The following DMD variants were observed in gnomAD, a reference collection of about 807,000 sequenced individuals.
The protein encoded by DMD is dystrophin, also known as mutant dystrophin.
A neutral mutation model predicts 330.1 loss-of-function variants in DMD; 63 were observed. That is an observed-to-expected ratio of 0.19 (90% CI 0.16 to 0.24). DMD has a LOEUF of 0.24. Among genes scored for constraint, DMD ranks in the 10% least tolerant of loss-of-function variants. The pLI is 1.00. For missense variants in DMD, 3,344 were observed against 2,684.1 expected, an observed-to-expected ratio of 1.25 and a Z score of -5.43; for synonymous variants, 1,223 against 959.8, an observed-to-expected ratio of 1.27 and a Z score of -5.07.
intron 62 of DMD, among the ~76,000 whole-genome samples, chrX:31,286,406 T>C (rs2053214220): frequency 8.9e-6 from 1 of 112,729 alleles, no homozygotes; most frequent in African/African-American, 3.2e-5. Flanking sequence ...TTGGGAAGTT[T>C]ATCAGATAAT....
intron 52 of DMD, 64 bp from the exon 53 acceptor site, chrX:31,679,650 G>A (rs1347081639): frequency 1.4e-5 from 13 of 951,716 alleles, no homozygotes; most frequent in Non-Finnish European, 1.9e-5. Flanking sequence ...CATTTTAAAT[G>A]TAACTTCCAA....
At chrX:32,177,579 C>A (rs1349825940) in intron 44 of DMD, among the ~76,000 whole-genome samples, 1 of 110,883 alleles carries the variant, frequency 9.0e-6, no homozygotes, top group Non-Finnish European at 1.9e-5. Context: ...GATACTAATT[C>A]AAATTTCTAA....
At chrX:31,411,750 C>T (rs1229439618) in intron 60 of DMD, among the ~76,000 whole-genome samples, 1 of 110,583 alleles carries the variant, frequency 9.0e-6, no homozygotes, top group Admixed American at 9.6e-5. Flanking sequence ...TCTCCTGCCT[C>T]AGCCTCCCGA....
intron 1 of DMD, among the ~76,000 whole-genome samples, chrX:33,324,820 A>G (rs1379206215): frequency 8.9e-6 from 1 of 112,042 alleles, no homozygotes; most frequent in African/African-American, 3.2e-5. Flanking sequence ...AAAGGCAAAA[A>G]AGCAATCATG....
chrX:32,150,599 C>A (rs1201295847), intron 44 of DMD, among the ~76,000 whole-genome samples: 3 of 111,357 alleles, frequency 2.7e-5, no homozygotes, highest in Non-Finnish European at 5.6e-5. Context: ...TAGGTAAGAA[C>A]CTCAGGATGC....
At chrX:33,009,166 ATATATGTGTATATATACGTATATATG>A (rs1482044749) in intron 2 of DMD, among the ~76,000 whole-genome samples, 1 of 34,781 alleles carries the variant, frequency 2.9e-5, no homozygotes, top group African/African-American at 1.2e-4. Flanking sequence ...ATATATGTAT[ATATATGTGTATATATACGTATATATG>A]TATATATGTG....
chrX:32,946,299 C>CA (rs2090802466), intron 2 of DMD, among the ~76,000 whole-genome samples: 1 of 109,346 alleles, frequency 9.1e-6, no homozygotes, highest in African/African-American at 3.3e-5. Context: ...AAATGGCCTA[C>CA]TTTTTTTTTG....
chrX:32,821,512 C>T (rs1047854741), intron 5 of DMD, among the ~76,000 whole-genome samples: 3 of 109,308 alleles, frequency 2.7e-5, no homozygotes, highest in African/African-American at 3.3e-5. Flanking sequence ...GGCGTGAATC[C>T]GGGAGGCGGA....
chrX:31,838,932 CAT>C (rs1394519557), intron 48 of DMD, among the ~76,000 whole-genome samples: 2 of 111,788 alleles, frequency 1.8e-5, no homozygotes, highest in Non-Finnish European at 3.8e-5. Flanking sequence ...AACTTAATAA[CAT>C]ATCCAAATGA....
At chrX:31,385,966 G>T (rs974793465) in intron 60 of DMD, among the ~76,000 whole-genome samples, 3 of 112,097 alleles carry the variant, frequency 2.7e-5, no homozygotes, top group African/African-American at 9.7e-5. Context: ...GCAAAGATTT[G>T]GAACCAACCC....
intron 1 of DMD, among the ~76,000 whole-genome samples, chrX:33,335,360 C>A (rs772787446): frequency 3.6e-5 from 4 of 110,019 alleles, no homozygotes; most frequent in Non-Finnish European, 3.8e-5. Flanking sequence ...ACATGTCTAA[C>A]AATATTACTT....
chrX:33,076,023 C>A (rs190697290), intron 1 of DMD, among the ~76,000 whole-genome samples: 2 of 111,686 alleles, frequency 1.8e-5, no homozygotes, highest in East Asian at 5.6e-4. Context: ...ATAAAGTCAC[C>A]ATTGTAAAGC....
chrX:32,412,023 T>A, intron 29 of DMD, 110 bp from the exon 30 acceptor site: 1 of 1,195,240 alleles, frequency 8.4e-7, no homozygotes, highest in Non-Finnish European at 1.1e-6. Context: ...AATCACCTTT[T>A]TGTAAGACAG....
intron 50 of DMD, among the ~76,000 whole-genome samples, chrX:31,808,107 T>G (rs1253363389): frequency 8.9e-6 from 1 of 111,781 alleles, no homozygotes; most frequent in East Asian, 2.8e-4. Context: ...AGATAAATAT[T>G]AGGTATGTTC....
intron 43 of DMD, among the ~76,000 whole-genome samples, chrX:32,227,121 A>C (rs1348255722): frequency 1.6e-4 from 17 of 104,634 alleles, no homozygotes; most frequent in African/African-American, 5.5e-4. Flanking sequence ...AAAGAAGTCA[A>C]TAGCATTATT....
At chrX:31,287,525 G>A (rs927796658) in intron 62 of DMD, among the ~76,000 whole-genome samples, 5 of 112,404 alleles carry the variant, frequency 4.4e-5, no homozygotes, top group Admixed American at 1.9e-4. Context: ...AATAATTCTT[G>A]TCAATGTGTA....
At chrX:32,432,108 C>T in intron 29 of DMD, among the ~76,000 whole-genome samples, 1 of 111,926 alleles carries the variant, frequency 8.9e-6, no homozygotes, top group Non-Finnish European at 1.9e-5. Context: ...CACACATTTT[C>T]AGGTGACATT....
At chrX:31,487,638 G>A (rs1003738289) in intron 57 of DMD, among the ~76,000 whole-genome samples, 1 of 111,438 alleles carries the variant, frequency 9.0e-6, no homozygotes, top group Non-Finnish European at 1.9e-5. Context: ...CCCTTACAAT[G>A]TATGGCAACC....
intron 44 of DMD, among the ~76,000 whole-genome samples, chrX:31,982,380 A>G (rs6631451): frequency 0.1 from 11,049 of 111,021 alleles, 533 homozygotes; most frequent in East Asian, 0.15. Flanking sequence ...CATGGTGACA[A>G]TGGGTCTCCT....
Sources: allele counts gnomAD v4.1 joint callset (sites outside exome capture counted in the v4.1 genomes callset), GRCh38; gene constraint gnomAD v4.1.1; transcripts MANE v1.5; gene names NCBI Gene and HGNC (gene_info 2026-07-23, HGNC 2026-07-21).